The following ANKRD6 variants were observed in gnomAD, a reference collection of about 807,000 sequenced individuals.
ANKRD6 encodes ankyrin repeat domain-containing protein 6.
A neutral mutation model predicts 82.3 loss-of-function variants in ANKRD6; 56 were observed. The observed-to-expected ratio is 0.68, with a 90% CI of 0.55 to 0.85. The LOEUF is 0.85. Among genes scored for constraint, ANKRD6 ranks in the 40% least tolerant of loss-of-function variants. The pLI is 0.00. For synonymous variants in ANKRD6, 347 were observed against 352.1 expected, an observed-to-expected ratio of 0.99 and a Z score of 0.16; for missense variants, 852 against 907.6, an observed-to-expected ratio of 0.94 and a Z score of 0.79.
chr6:89,470,212 T>G (rs1775282824), intron 1 of ANKRD6, among the ~76,000 whole-genome samples: 1 of 152,176 alleles, frequency 6.6e-6, no homozygotes, highest in Non-Finnish European at 1.5e-5. Context: ...ATGACCTGCT[T>G]AAAAAAATTT....
chr6:89,451,159 G>A (rs1034844280), intron 1 of ANKRD6, among the ~76,000 whole-genome samples: 1 of 152,104 alleles, frequency 6.6e-6, no homozygotes, highest in African/African-American at 2.4e-5. Context: ...AATACAAAAA[G>A]TTAGTAGGGC....
chr6:89,481,518 G>T (rs1001269432), intron 1 of ANKRD6, among the ~76,000 whole-genome samples: 3 of 152,130 alleles, frequency 2.0e-5, no homozygotes, highest in Non-Finnish European at 4.4e-5. Context: ...ATACTCAACC[G>T]TATAATCTAT....
At chr6:89,525,604 A>G (rs372066305) in intron 1 of ANKRD6, among the ~76,000 whole-genome samples, 123 of 152,322 alleles carry the variant, frequency 8.1e-4, no homozygotes, top group African/African-American at 2.9e-3. Context: ...TGCATAGGGA[A>G]GGGGCAGGTT....
chr6:89,566,989 G>A lies in ANKRD6; in HGVS notation c.13G>A (p.Asp5Asn), dbSNP rs751375860. 1.0e-5 allele frequency: 16 copies of A among 1,594,942 alleles called. No homozygotes were observed. In the South Asian group the frequency reaches 1.0e-4, roughly 10 times the overall value. The change falls in exon 2 of 16, where the codon GAT becomes AAT. Residue 5 changes from aspartate (D) to asparagine (N), a missense_variant. Transcript: ENST00000339746. MSQQ[D>N]AVAALSERLL... ...TCTTTCCTAATTCATGAGCCAGCAA[G>A]ATGCGGTCGCTGCACTTTCAGAGCG...
At chr6:89,462,233 AAATAATAAT>A (rs200608840) in intron 1 of ANKRD6, among the ~76,000 whole-genome samples, 49 of 106,036 alleles carry the variant, frequency 4.6e-4, no homozygotes, top group Admixed American at 9.5e-4. Flanking sequence ...CTCCATCTCA[AAATAATAAT>A]AATAATAATA....
At chr6:89,463,368 A>C (rs1774437059) in intron 1 of ANKRD6, among the ~76,000 whole-genome samples, 3 of 152,152 alleles carry the variant, frequency 2.0e-5, no homozygotes, top group Admixed American at 6.5e-5. Flanking sequence ...AGCCTCTGGA[A>C]TGTCATTTAA....
Position 89,433,339 on chromosome 6 carries a change from G to A in ANKRD6, c.-180G>A, listed in dbSNP as rs536772463. 3 of 152,290 alleles carry A rather than the reference G, an allele frequency of 2.0e-5. No individual in the cohort carries two copies. The highest frequency in any genetic ancestry group is 7.2e-5 in the African/African-American group (3 of 41,552). 9.4% of individuals were successfully genotyped at this position (152,290 alleles called of 1,614,324 possible). On this transcript the variant is annotated 5_prime_UTR_variant, in exon 1 of 16. Coordinates refer to ENST00000339746, the MANE Select transcript of ANKRD6 (RefSeq NM_001242809.2). This position sits in a 1 kb window ranked among gnomAD's most constrained non-coding sequence, Gnocchi z 4.3. ...GCCCCCCACCGTGTCGCCGGCCTTG[G>A]TCCCTGCGGCGCGGACGTCCGGCGC...
In ANKRD6 at chr6:89,598,153, C is replaced by T. The variant is rs1022720923; in HGVS notation, c.219+2139C>T. On this transcript the variant is annotated intron_variant, in intron 3 of 15. Transcript: ENST00000339746. ...TAGTTGAAGAATGACCTCCAGTGGC[C>T]TGGAGTGGGATTATTATGAATTTCA... 28 of 985,222 alleles carry T rather than the reference C, an allele frequency of 2.8e-5. No homozygotes were observed. The African/African-American group carries it at 4.5e-4, about 16-fold the overall frequency. The allele number at this position is 985,222 out of a possible 1,614,324, so 61.0% of individuals were successfully genotyped here.
chr6:89,596,054 G>A, intron 3 of ANKRD6, 40 bp downstream of exon 3: 1 of 1,551,784 alleles, frequency 6.4e-7, no homozygotes, highest in Non-Finnish European at 8.8e-7. Flanking sequence ...GAGTTGGCAG[G>A]GGAGGTTTTC....
intron 1 of ANKRD6, among the ~76,000 whole-genome samples, chr6:89,518,108 A>G (rs1193893772): frequency 6.6e-6 from 1 of 152,254 alleles, no homozygotes; most frequent in East Asian, 1.9e-4. Context: ...AATCATAAAA[A>G]TAAGTATCTT....
chr6:89,446,341 A>G (rs1023134141), intron 1 of ANKRD6, among the ~76,000 whole-genome samples: 1 of 152,162 alleles, frequency 6.6e-6, no homozygotes, highest in African/African-American at 2.4e-5. Context: ...AACAAGGGCG[A>G]AACTTTGTCT....
intron 4 of ANKRD6, 39 bp from the exon 5 acceptor site, chr6:89,605,968 T>G: frequency 6.9e-7 from 1 of 1,446,942 alleles, no homozygotes; most frequent in South Asian, 1.3e-5. Context: ...GAATTAGGTC[T>G]TGGGTAATGT....
intron 7 of ANKRD6, among the ~76,000 whole-genome samples, chr6:89,616,174 A>G (rs1583812136): frequency 6.6e-6 from 1 of 151,808 alleles, no homozygotes; most frequent in Non-Finnish European, 1.5e-5. Flanking sequence ...CTGACCTCTG[A>G]CCTCCCTGGG....
chr6:89,541,119 G>T (rs558653211), intron 1 of ANKRD6, among the ~76,000 whole-genome samples: 55 of 152,000 alleles, frequency 3.6e-4, no homozygotes, highest in African/African-American at 1.3e-3. Flanking sequence ...GGTCTTTTGT[G>T]GTTCCGTATA....
chr6:89,544,721 A>C (rs867530729), intron 1 of ANKRD6, among the ~76,000 whole-genome samples: 1 of 151,854 alleles, frequency 6.6e-6, no homozygotes, highest in African/African-American at 2.4e-5. Flanking sequence ...GTCCAAAAAA[A>C]CCCCAAAAAA....
At chr6:89,443,269 G>A (rs763308415) in intron 1 of ANKRD6, among the ~76,000 whole-genome samples, 3 of 152,092 alleles carry the variant, frequency 2.0e-5, no homozygotes, top group Admixed American at 6.6e-5. Context: ...TCTTTGACCC[G>A]GGTGGGGGTG....
intron 1 of ANKRD6, among the ~76,000 whole-genome samples, chr6:89,541,061 A>T (rs925908465): frequency 6.6e-6 from 1 of 152,010 alleles, no homozygotes; most frequent in African/African-American, 2.4e-5. Flanking sequence ...AGGTAATGTG[A>T]TTCCTCCAGT....
At position 89,455,183 on chromosome 6, in the gene ANKRD6, G is replaced by T. The variant is rs532138751; in HGVS notation, c.-144+21808G>T. The stretch of plus-strand genomic sequence containing the variant: ...TTTTTTTTTAATCTATGTGTTTTCC[G>T]TCTGTATTAGGCCATTCTTGCATTG... On this transcript the variant is annotated intron_variant, in intron 1 of 15. Coordinates refer to ENST00000339746, the MANE Select transcript of ANKRD6 (RefSeq NM_001242809.2). Among the ~76,000 whole-genome samples the T allele has an allele frequency of 3.4e-4, 51 of 150,094 alleles. No homozygotes were observed. In the South Asian group the frequency reaches 0.01, roughly 30 times the overall value.
rs1165146489 is a variant in ANKRD6 at position 89,633,170 on chromosome 6, A to C, written c.*2166A>C. 2.0e-5 allele frequency: 3 copies of C among 152,206 alleles called. No individual in the cohort carries two copies. The highest frequency in any genetic ancestry group is 7.2e-5 in the African/African-American group (3 of 41,436). 9.4% of individuals were successfully genotyped at this position (152,206 alleles called of 1,614,324 possible). Reference sequence around the variant, plus strand: ...GGGTCAAAAGGACCTAGTGTGGCTTACTACATGGATCTTGTCTCTTGGAGG... The same window carrying C: ...GGGTCAAAAGGACCTAGTGTGGCTTCCTACATGGATCTTGTCTCTTGGAGG... On this transcript the variant is annotated 3_prime_UTR_variant, in exon 16 of 16. Transcript: ENST00000339746.
Sources: gnomAD v4.1 joint callset for allele counts (sites outside exome capture counted in the v4.1 genomes callset) on GRCh38, gnomAD v4.1.1 for gene constraint, Gnocchi (gnomAD v3.1) non-coding constraint, MANE v1.5 for transcripts, NCBI Gene and HGNC (gene_info 2026-07-23, HGNC 2026-07-21) for gene names.